Variants in EYA4 observed in about 807,000 individuals in gnomAD.
The protein encoded by EYA4 is EYA transcriptional coactivator and phosphatase 4.
A neutral mutation model predicts 87.9 loss-of-function variants in EYA4; 31 were observed. That is an observed-to-expected ratio of 0.35 (90% CI 0.27 to 0.48). EYA4 has a LOEUF of 0.48. Among genes scored for constraint, EYA4 ranks in the 20% least tolerant of loss-of-function variants. The pLI, the probability that EYA4 is intolerant of heterozygous loss-of-function variation, is 0.99. For missense variants in EYA4, 678 were observed against 761.4 expected, an observed-to-expected ratio of 0.89 and a Z score of 1.29; for synonymous variants, 263 against 270.6, an observed-to-expected ratio of 0.97 and a Z score of 0.28.
chr6:133,319,883 AT>A (rs1780939908), intron 2 of EYA4, among the ~76,000 whole-genome samples: 1 of 151,478 alleles, frequency 6.6e-6, no homozygotes, highest in East Asian at 2.0e-4. Flanking sequence ...TGCCTAGCTA[AT>A]TTTTTTGTAT....
intron 2 of EYA4, among the ~76,000 whole-genome samples, chr6:133,357,882 A>G (rs1261126793): frequency 1.3e-5 from 2 of 151,818 alleles, no homozygotes; most frequent in Non-Finnish European, 2.9e-5. Flanking sequence ...ATACTTATGT[A>G]ATCATTTTGA....
At chr6:133,372,294 A>G (rs551849405) in intron 2 of EYA4, among the ~76,000 whole-genome samples, 3 of 152,018 alleles carry the variant, frequency 2.0e-5, no homozygotes, top group African/African-American at 7.2e-5. Flanking sequence ...TTTTTCTTTA[A>G]TTTGACAATT....
intron 2 of EYA4, among the ~76,000 whole-genome samples, chr6:133,313,234 G>A (rs1780368331): frequency 6.6e-6 from 1 of 152,126 alleles, no homozygotes; most frequent in South Asian, 2.1e-4. Flanking sequence ...TGGATAGAAG[G>A]ACATTGTTCC....
At chr6:133,499,650 C>G (rs1227479685) in intron 13 of EYA4, among the ~76,000 whole-genome samples, 1 of 152,136 alleles carries the variant, frequency 6.6e-6, no homozygotes, top group Non-Finnish European at 1.5e-5. Context: ...GCTAGCTTTT[C>G]ACCTTTACCA....
intron 11 of EYA4, among the ~76,000 whole-genome samples, chr6:133,477,276 CTTG>C (rs1391498952): frequency 2.6e-5 from 4 of 152,098 alleles, no homozygotes; most frequent in Non-Finnish European, 4.4e-5. Context: ...GTCTCCTACA[CTTG>C]TTATTTTTCT....
chr6:133,455,728 C>T (rs987552390), intron 5 of EYA4, among the ~76,000 whole-genome samples: 2 of 152,050 alleles, frequency 1.3e-5, no homozygotes, highest in African/African-American at 4.8e-5. Context: ...TAGTTTATTT[C>T]CTTGCTGCTA....
At chr6:133,319,527 G>T (rs1780890831) in intron 2 of EYA4, among the ~76,000 whole-genome samples, 1 of 142,054 alleles carries the variant, frequency 7.0e-6, no homozygotes. Context: ...TTTTTTACCA[G>T]TCTTAATGAT....
intron 2 of EYA4, among the ~76,000 whole-genome samples, chr6:133,336,869 A>G (rs1782403041): frequency 6.6e-6 from 1 of 152,178 alleles, no homozygotes; most frequent in Non-Finnish European, 1.5e-5. Flanking sequence ...ATTTTTTTGC[A>G]TCTATGAAAA....
At chr6:133,346,713 C>G (rs1783223033) in intron 2 of EYA4, among the ~76,000 whole-genome samples, 1 of 151,518 alleles carries the variant, frequency 6.6e-6, no homozygotes, top group African/African-American at 2.4e-5. Context: ...TTTTCCTGTT[C>G]TCGGGCAATA....
intron 2 of EYA4, among the ~76,000 whole-genome samples, chr6:133,319,825 C>T (rs1248807892): frequency 1.3e-5 from 2 of 151,754 alleles, no homozygotes; most frequent in African/African-American, 4.8e-5. Context: ...AAGCGATCCT[C>T]CCATCTCAGC....
At chr6:133,301,469 A>G (rs954325080) in intron 2 of EYA4, among the ~76,000 whole-genome samples, 1 of 152,180 alleles carries the variant, frequency 6.6e-6, no homozygotes, top group Non-Finnish European at 1.5e-5. Context: ...TTATTTGGTG[A>G]AGAAAACAAT....
At chr6:133,345,281 T>A (rs919559209) in intron 2 of EYA4, among the ~76,000 whole-genome samples, 2 of 152,060 alleles carry the variant, frequency 1.3e-5, no homozygotes, top group Non-Finnish European at 2.9e-5. Flanking sequence ...GAGGGAAAGT[T>A]GCAGATATGA....
chr6:133,411,040 A>G (rs1423396292), intron 3 of EYA4, among the ~76,000 whole-genome samples: 1 of 150,798 alleles, frequency 6.6e-6, no homozygotes, highest in Non-Finnish European at 1.5e-5. Flanking sequence ...CAGAAGACAG[A>G]GGGGGCTATG....
At chr6:133,338,849 CT>C (rs11298929) in intron 2 of EYA4, among the ~76,000 whole-genome samples, 68,277 of 148,820 alleles carry the variant, frequency 0.46, 17,483 homozygotes, top group African/African-American at 0.69. Context: ...CCAATTGCTT[CT>C]TTTTTTTTTT....
At chr6:133,273,333 G>A (rs954908619) in intron 1 of EYA4, among the ~76,000 whole-genome samples, 3 of 151,822 alleles carry the variant, frequency 2.0e-5, no homozygotes, top group African/African-American at 7.3e-5. Flanking sequence ...CTTTATATTC[G>A]CTGGCAGCTG....
chr6:133,415,297 G>A (rs1789615106), intron 3 of EYA4, among the ~76,000 whole-genome samples: 1 of 152,038 alleles, frequency 6.6e-6, no homozygotes, highest in African/African-American at 2.4e-5. Flanking sequence ...CTTCTTTTTT[G>A]TAAAACCCTC....
chr6:133,382,712 A>AT (rs966874846), intron 3 of EYA4, among the ~76,000 whole-genome samples: 1 of 148,014 alleles, frequency 6.8e-6, no homozygotes, highest in African/African-American at 2.5e-5. Context: ...GTTAATGTTC[A>AT]TTTTTTTGTT....
At chr6:133,356,049 AAGAGAGAAAGAG>A (rs768086285) in intron 2 of EYA4, among the ~76,000 whole-genome samples, 2 of 129,088 alleles carry the variant, frequency 1.5e-5, no homozygotes, top group South Asian at 2.6e-4. Context: ...GAAAGAGAGA[AAGAGAGAAAGAG>A]AGAGAGAGAG....
intron 2 of EYA4, among the ~76,000 whole-genome samples, chr6:133,320,141 T>G: frequency 6.6e-6 from 1 of 151,954 alleles, no homozygotes. Context: ...CCATTCCTTT[T>G]TTTTTTTTTT....
Sources: gnomAD v4.1 joint callset for allele counts (sites outside exome capture counted in the v4.1 genomes callset) on GRCh38, gnomAD v4.1.1 for gene constraint, MANE v1.5 for transcripts, NCBI Gene and HGNC (gene_info 2026-07-23, HGNC 2026-07-21) for gene names.